The following BFSP2 variants were observed in gnomAD, a reference collection of about 807,000 sequenced individuals.
The protein encoded by BFSP2 is phakinin.
BFSP2 carries 38 observed loss-of-function variants against 44.9 expected under a neutral mutation model. The observed-to-expected ratio is 0.85, with a 90% confidence interval of 0.65 to 1.11. The LOEUF (loss-of-function observed/expected upper bound fraction) is 1.11. BFSP2 is among the 50% of genes least tolerant of loss of function. The pLI is 0.00. For synonymous variants in BFSP2, 197 were observed against 209.9 expected, an observed-to-expected ratio of 0.94 and a Z score of 0.53; for missense variants, 525 against 533.0, an observed-to-expected ratio of 0.99 and a Z score of 0.15.
At chr3:133,451,003 C>T (rs933278555) in intron 4 of BFSP2, among the ~76,000 whole-genome samples, 8 of 147,926 alleles carry the variant, frequency 5.4e-5, no homozygotes, top group Non-Finnish European at 8.9e-5. Flanking sequence ...CCCCGCTACT[C>T]GGGAGGCTGA....
chr3:133,433,858 G>A (rs190025302), intron 1 of BFSP2, among the ~76,000 whole-genome samples: 20 of 152,306 alleles, frequency 1.3e-4, no homozygotes, highest in Admixed American at 9.2e-4. Context: ...GCCTGTCCTC[G>A]GAATGCTACA....
rs909038266 is a variant in BFSP2 at position 133,400,673 on chromosome 3, C to G, written c.489+101C>G. On this transcript the variant is annotated intron_variant, in intron 1 of 6. Transcript: ENST00000302334. This position sits in a 1 kb window ranked among gnomAD's most constrained non-coding sequence, Gnocchi z 4.0. ...GTAGGCTGAGGCCAGAGAAACTGAC[C>G]ATAATCCCCTACACTTTCACACTTA... 4.0e-6 allele frequency: 6 copies of G among 1,497,934 alleles called. No homozygotes were observed. The Admixed American group carries it at 1.2e-4, about 30-fold the overall frequency. The allele number at this position is 1,497,934 out of a possible 1,614,324, so 92.8% of individuals were successfully genotyped here. A position where few individuals can be genotyped will look rare whatever the true frequency, so the allele number is the denominator to read the frequency against.
At chr3:133,415,330 A>C (rs1282323856) in intron 1 of BFSP2, among the ~76,000 whole-genome samples, 17 of 57,728 alleles carry the variant, frequency 2.9e-4, no homozygotes, top group East Asian at 4.9e-4. Flanking sequence ...TTTCCCCTCT[A>C]CTCACCCGTG....
intron 1 of BFSP2, among the ~76,000 whole-genome samples, chr3:133,435,007 A>G (rs79693845): frequency 6.6e-6 from 1 of 152,070 alleles, no homozygotes; most frequent in Admixed American, 6.6e-5. Flanking sequence ...GGCCTTGGGA[A>G]TTTAGCAATG....
chr3:133,448,181 C>T (rs941615737), intron 2 of BFSP2, among the ~76,000 whole-genome samples: 1 of 152,192 alleles, frequency 6.6e-6, no homozygotes. Flanking sequence ...ATCAGGATAG[C>T]GATGAAGATG....
chr3:133,430,647 A>C (rs2073705340), intron 1 of BFSP2, among the ~76,000 whole-genome samples: 1 of 152,176 alleles, frequency 6.6e-6, no homozygotes, highest in Non-Finnish European at 1.5e-5. Flanking sequence ...CCTGACGTCC[A>C]GGCATTCTTT....
intron 1 of BFSP2, among the ~76,000 whole-genome samples, chr3:133,426,831 C>T (rs2073658332): frequency 6.6e-6 from 1 of 152,224 alleles, no homozygotes; most frequent in African/African-American, 2.4e-5. Flanking sequence ...GTGATATGGG[C>T]ATGTGCCTCC....
chr3:133,442,853 C>G (rs2073858232), intron 1 of BFSP2, among the ~76,000 whole-genome samples: 1 of 149,536 alleles, frequency 6.7e-6, no homozygotes, highest in African/African-American at 2.5e-5. Flanking sequence ...GGGAAATTAT[C>G]TAGATTTTCT....
At chr3:133,437,864 C>T (rs1435835191) in intron 1 of BFSP2, among the ~76,000 whole-genome samples, 1 of 152,160 alleles carries the variant, frequency 6.6e-6, no homozygotes, top group Admixed American at 6.5e-5. Flanking sequence ...AATGATTTGG[C>T]TACCCGCCCA....
chr3:133,401,449 A>G (rs2073362049), intron 1 of BFSP2, among the ~76,000 whole-genome samples: 1 of 152,204 alleles, frequency 6.6e-6, no homozygotes, highest in Admixed American at 6.5e-5. Flanking sequence ...GCTAATGGCT[A>G]TCTTATTGGA....
At chr3:133,460,737 G>A (rs928020568) in intron 4 of BFSP2, among the ~76,000 whole-genome samples, 4 of 152,116 alleles carry the variant, frequency 2.6e-5, no homozygotes, top group Admixed American at 2.6e-4. Flanking sequence ...GTATTCCCAC[G>A]GGACCATTGT....
intron 4 of BFSP2, among the ~76,000 whole-genome samples, chr3:133,451,272 G>A (rs2073962719): frequency 6.6e-6 from 1 of 152,128 alleles, no homozygotes; most frequent in Non-Finnish European, 1.5e-5. Flanking sequence ...GCAGTTATTA[G>A]AATTAATGTT....
intron 1 of BFSP2, chr3:133,410,031 T>C (rs1026803240): frequency 1.6e-5 from 3 of 186,926 alleles, no homozygotes; most frequent in East Asian, 1.7e-4. Flanking sequence ...CAGGACGAAG[T>C]TGCCTTCCCA....
chr3:133,415,479 C>A (rs1275530505), intron 1 of BFSP2, among the ~76,000 whole-genome samples: 39 of 127,112 alleles, frequency 3.1e-4, no homozygotes, highest in African/African-American at 1.2e-3. Context: ...CCTCTACTCA[C>A]CCCTATAGTC....
intron 1 of BFSP2, among the ~76,000 whole-genome samples, chr3:133,431,692 T>A (rs1346987419): frequency 6.6e-6 from 1 of 152,074 alleles, no homozygotes; most frequent in Admixed American, 6.5e-5. Context: ...CCCCTTCTTA[T>A]CAATACGAGG....
chr3:133,474,902 T>A, intron 6 of BFSP2, 67 bp from the exon 7 acceptor site: 2 of 1,593,102 alleles, frequency 1.3e-6, no homozygotes, highest in Non-Finnish European at 8.6e-7. Context: ...TTTCTCGTAA[T>A]CCTATTGTGA....
chr3:133,474,910 T>C, intron 6 of BFSP2, 59 bp from the exon 7 acceptor site: 1 of 1,603,750 alleles, frequency 6.2e-7, no homozygotes, highest in Non-Finnish European at 8.5e-7. Context: ...AATCCTATTG[T>C]GATAGAATGA....
chr3:133,422,911 C>T (rs2073606187), intron 1 of BFSP2, among the ~76,000 whole-genome samples: 1 of 152,204 alleles, frequency 6.6e-6, no homozygotes, highest in Non-Finnish European at 1.5e-5. Flanking sequence ...GAATTTCTAA[C>T]TTGGACAGCC....
intron 1 of BFSP2, chr3:133,412,388 T>A (rs896648770): frequency 6.6e-6 from 1 of 152,382 alleles, no homozygotes; most frequent in Middle Eastern, 3.4e-3. Context: ...TGGAATTGAA[T>A]AAACTTGAAG....
Sources: allele counts gnomAD v4.1 joint callset (sites outside exome capture counted in the v4.1 genomes callset), GRCh38; gene constraint gnomAD v4.1.1; non-coding constraint Gnocchi (gnomAD v3.1); transcripts MANE v1.5; gene names NCBI Gene and HGNC (gene_info 2026-07-23, HGNC 2026-07-21).